Variants in CHCHD2 observed in about 807,000 individuals in gnomAD.
CHCHD2 encodes coiled-coil-helix-coiled-coil-helix domain-containing protein 2.
In CHCHD2, 17 loss-of-function variants were observed where a neutral mutation model predicts 17.5. That is an observed-to-expected ratio of 0.97 (90% CI 0.67 to 1.46). CHCHD2 has a LOEUF of 1.46. CHCHD2 is among the 40% of genes most tolerant of loss of function. The probability of loss-of-function intolerance (pLI) is 0.00; values close to 1 mark genes in which losing one functional copy is unlikely to be tolerated. For missense variants in CHCHD2, 175 were observed against 199.9 expected (o/e 0.88, Z 0.75); for synonymous variants, 63 against 74.3 (o/e 0.85, Z 0.78).
intron 2 of CHCHD2, among the ~76,000 whole-genome samples, chr7:56,103,965 G>T (rs1174110490): frequency 6.6e-6 from 1 of 152,220 alleles, no homozygotes; most frequent in Non-Finnish European, 1.5e-5. Context: ...AATATTCAAA[G>T]GGAAAAGTGG....
At chr7:56,105,171 A>G (rs1232896440) in intron 1 of CHCHD2, among the ~76,000 whole-genome samples, 1 of 152,064 alleles carries the variant, frequency 6.6e-6, no homozygotes, top group African/African-American at 2.4e-5. Flanking sequence ...TCGACCTCCC[A>G]AAGTGTTGGG....
chr7:56,105,039 T>C (rs1785357862), intron 1 of CHCHD2, among the ~76,000 whole-genome samples: 3 of 151,838 alleles, frequency 2.0e-5, no homozygotes, highest in Admixed American at 2.0e-4. Context: ...GCTTCCCAAG[T>C]AGCTGGGATT....
At position 56,106,471 on chromosome 7, in the gene CHCHD2, A is replaced by C; in HGVS notation, c.-58T>G. The C allele has an allele frequency of 6.5e-7, 1 of 1,548,862 alleles. No homozygotes were observed. Among genetic ancestry groups the C allele is most frequent in the Non-Finnish European group, 8.9e-7 (1 of 1,122,182 alleles). ...GGGACAACCACCGAAGAGCTAAGCG[A>C]CTTCTGAGGAGACCGGAAGATGGGA... On this transcript the variant is annotated 5_prime_UTR_variant, in exon 1 of 4. Coordinates refer to ENST00000395422, the MANE Select transcript of CHCHD2 (RefSeq NM_016139.4).
At chr7:56,101,960 C>T in intron 3 of CHCHD2, 99 bp from the exon 4 acceptor site, 1 of 1,186,376 alleles carries the variant, frequency 8.4e-7, no homozygotes, top group Non-Finnish European at 1.2e-6. Flanking sequence ...AAGGCCAAGG[C>T]TATGGGTTTT....
intron 2 of CHCHD2, 116 bp downstream of exon 2, chr7:56,104,110 T>TA: frequency 1.4e-6 from 2 of 1,399,608 alleles, no homozygotes; most frequent in Non-Finnish European, 2.0e-6. Context: ...CATTGTCTAT[T>TA]AACAGCACAG....
At chr7:56,102,399 C>T (rs1393181028) in intron 3 of CHCHD2, among the ~76,000 whole-genome samples, 1 of 150,822 alleles carries the variant, frequency 6.6e-6, no homozygotes, top group Non-Finnish European at 1.5e-5. Context: ...ACTGGAGACA[C>T]CCAGTTGCCC....
intron 2 of CHCHD2, among the ~76,000 whole-genome samples, chr7:56,103,392 A>T (rs1036905345): frequency 6.6e-6 from 1 of 152,216 alleles, no homozygotes; most frequent in Non-Finnish European, 1.5e-5. Flanking sequence ...AGGCAGGAGA[A>T]TCGCTTGAAC....
intron 1 of CHCHD2, 87 bp downstream of exon 1, chr7:56,106,277 A>C: frequency 7.5e-7 from 1 of 1,338,982 alleles, no homozygotes; most frequent in Non-Finnish European, 1.0e-6. Flanking sequence ...ACCTTAGTTC[A>C]CCCCCGCCCG....
Position 56,104,431 on chromosome 7 carries a change from G to A in CHCHD2, c.95C>T (p.Ala32Val), listed in dbSNP as rs1359382973. The A allele has an allele frequency of 3.7e-6, 6 of 1,609,784 alleles. No homozygotes were observed. ...TGGGGGTGCCGCTGCTGGTGGCTGA[G>A]CGACTGGTGCTGGCCTGGGTGCAGC... ...MRAAPRPAPV[A>V]QPPAAAPPSA... is the part of the protein sequence containing the mutation. The change falls in exon 2 of 4, where the codon GCT (alanine) becomes GTT (valine). Residue 32 changes from alanine (A) to valine (V), a missense_variant. Transcript: ENST00000395422.
intron 1 of CHCHD2, 87 bp downstream of exon 1, chr7:56,106,276 CA>C: frequency 7.6e-7 from 1 of 1,318,792 alleles, no homozygotes; most frequent in Admixed American, 2.2e-5. Flanking sequence ...GACCTTAGTT[CA>C]CCCCCGCCCG....
Position 56,104,440 on chromosome 7 carries a change from G to A in CHCHD2, c.86C>T (p.Ala29Val). The A allele has an allele frequency of 1.2e-6, 2 of 1,608,322 alleles. No homozygotes were observed. The highest frequency in any genetic ancestry group is 8.5e-7 in the Non-Finnish European group (1 of 1,177,404). Residue 29 changes from alanine (A) to valine (V), a missense_variant, in exon 2 of 4, where the codon GCA becomes GTA. By Grantham distance (64) the Ala-to-Val change is moderately conservative. Coordinates refer to ENST00000395422, the MANE Select transcript of CHCHD2 (RefSeq NM_016139.4). ...CGCTGCTGGTGGCTGAGCGACTGGT[G>A]CTGGCCTGGGTGCAGCTCTCATCTG... Reference protein sequence around the residue: ...APQMRAAPRPAPVAQPPAAAP... With the variant: ...APQMRAAPRPVPVAQPPAAAP...
At chr7:56,105,356 TAGAA>T (rs1267315015) in intron 1 of CHCHD2, among the ~76,000 whole-genome samples, 3 of 152,262 alleles carry the variant, frequency 2.0e-5, no homozygotes, top group Non-Finnish European at 4.4e-5. Context: ...TACTAAAAGT[TAGAA>T]AGATTCTTAC....
At chr7:56,104,806 A>T (rs184974346) in intron 1 of CHCHD2, among the ~76,000 whole-genome samples, 5 of 151,930 alleles carry the variant, frequency 3.3e-5, no homozygotes, top group African/African-American at 1.2e-4. Flanking sequence ...ACGAGGTTTC[A>T]CTATGGTGAC....
chr7:56,106,270 T>A (rs1487481834), intron 1 of CHCHD2, 94 bp downstream of exon 1: 69 of 1,247,636 alleles, frequency 5.5e-5, no homozygotes, highest in Non-Finnish European at 7.3e-5. Flanking sequence ...GCAGCCGACC[T>A]TAGTTCACCC....
At chr7:56,103,067 A>C in intron 2 of CHCHD2, 56 bp from the exon 3 acceptor site, 1 of 1,590,986 alleles carries the variant, frequency 6.3e-7, no homozygotes, top group Non-Finnish European at 8.6e-7. Context: ...TTATGCCTAG[A>C]CAATGAAGAG....
chr7:56,103,397 T>C (rs898428410), intron 2 of CHCHD2, among the ~76,000 whole-genome samples: 1 of 152,134 alleles, frequency 6.6e-6, no homozygotes, highest in African/African-American at 2.4e-5. Flanking sequence ...GGAGAATCGC[T>C]TGAACCCGGG....
Position 56,105,061 on chromosome 7 carries a change from C to T in CHCHD2, c.51-586G>A, listed in dbSNP as rs148621088. Among the ~76,000 whole-genome samples, 9 of 151,968 alleles carry T rather than the reference C, an allele frequency of 5.9e-5. No individual in the cohort carries two copies. In the East Asian group the frequency reaches 1.8e-3, roughly 30 times the overall value. ...AAGTAGCTGGGATTACAGGCGCGCA[C>T]CACCACACCTAGCTAATTTTTGTAT... On this transcript the variant is annotated intron_variant, in intron 1 of 3. Coordinates refer to ENST00000395422, the MANE Select transcript of CHCHD2 (RefSeq NM_016139.4).
intron 3 of CHCHD2, 190 bp downstream of exon 3, chr7:56,102,677 T>C (rs573822488): frequency 1.6e-6 from 1 of 635,414 alleles, no homozygotes; most frequent in East Asian, 2.9e-5. Flanking sequence ...CTATACCTTC[T>C]AAAGGAAGAA....
Position 56,101,968 on chromosome 7 carries a change from TTTTTG to T in CHCHD2, c.446-112_446-108del, listed in dbSNP as rs1218194442. ...GCGACAAAAGGCCAAGGCTATGGGT[TTTTTG>T]TTTTTTGTTTTTTTTTGATAAAAAA... On this transcript the variant is annotated intron_variant, in intron 3 of 3. Coordinates refer to ENST00000395422, the MANE Select transcript of CHCHD2 (RefSeq NM_016139.4). 20 of 1,053,652 alleles carry T rather than the reference TTTTTG, an allele frequency of 1.9e-5. No individual in the cohort carries two copies. The East Asian group carries it at 1.9e-4, about 10-fold the overall frequency. The allele number at this position is 1,053,652 out of a possible 1,614,324, so 65.3% of individuals were successfully genotyped here.
Sources: gnomAD v4.1 joint callset for allele counts (sites outside exome capture counted in the v4.1 genomes callset) on GRCh38, gnomAD v4.1.1 for gene constraint, MANE v1.5 for transcripts, NCBI Gene and HGNC (gene_info 2026-07-23, HGNC 2026-07-21) for gene names.